LPAR1: variants seen among roughly 807,000 people sequenced by gnomAD.
LPAR1 encodes LPA receptor 1.
In LPAR1, 5 loss-of-function variants were observed where a neutral mutation model predicts 23.8. That is an observed-to-expected ratio of 0.21 (90% CI 0.11 to 0.44). The LOEUF (loss-of-function observed/expected upper bound fraction) is 0.44, where lower values mean the gene tolerates loss of function less well. Among genes scored for constraint, LPAR1 ranks in the 20% least tolerant of loss-of-function variants. LPAR1 has a pLI of 0.99. For synonymous variants in LPAR1, 160 were observed against 164.7 expected (o/e 0.97, Z 0.22); for missense variants, 311 against 482.8 (o/e 0.64, Z 3.33).
intron 5 of LPAR1, among the ~76,000 whole-genome samples, chr9:110,882,556 T>A (rs1443226418): frequency 6.6e-6 from 1 of 152,228 alleles, no homozygotes. Context: ...TACACACTTT[T>A]GAAGGTTCAG....
intron 2 of LPAR1, among the ~76,000 whole-genome samples, chr9:111,033,241 G>A (rs1446447711): frequency 1.3e-5 from 2 of 151,974 alleles, no homozygotes; most frequent in Non-Finnish European, 2.9e-5. Context: ...ATATTCTTTG[G>A]CCCAGCCCCA....
chr9:110,914,161 A>G (rs1432105522), intron 5 of LPAR1, among the ~76,000 whole-genome samples: 1 of 152,174 alleles, frequency 6.6e-6, no homozygotes, highest in African/African-American at 2.4e-5. Flanking sequence ...CCTTTGTCTT[A>G]TGTAGCTGTC....
At chr9:110,892,843 AGG>A (rs2084933966) in intron 5 of LPAR1, among the ~76,000 whole-genome samples, 13 of 113,062 alleles carry the variant, frequency 1.1e-4, no homozygotes, top group African/African-American at 3.0e-4. Flanking sequence ...GCAGGCAGGC[AGG>A]CAGGCAGGCA....
chr9:110,965,931 A>C (rs2096203547), intron 4 of LPAR1, among the ~76,000 whole-genome samples: 1 of 152,216 alleles, frequency 6.6e-6, no homozygotes, highest in South Asian at 2.1e-4. Context: ...TACACCATGG[A>C]ATACTATGCA....
intron 4 of LPAR1, among the ~76,000 whole-genome samples, chr9:110,950,022 A>G (rs34682647): frequency 0.18 from 26,625 of 152,130 alleles, 3,147 homozygotes; most frequent in East Asian, 0.6. Context: ...GACAATCTAT[A>G]ATTAGAAGAT....
rs527655331 is a variant in LPAR1 at position 110,942,828 on chromosome 9, T to A, written c.46-660A>T. Among the ~76,000 whole-genome samples the A allele has an allele frequency of 5.3e-5, 8 of 152,130 alleles. No individual in the cohort carries two copies. In the East Asian group the frequency reaches 1.4e-3, roughly 26 times the overall value. ...TCAACCAATCTATGACATTTGAGAA[T>A]TTTTTTTCTTTTTGGAGGACCCAAC... On this transcript the variant is annotated intron_variant, in intron 4 of 5. Coordinates refer to ENST00000683809, the MANE Select transcript of LPAR1 (RefSeq NM_001351411.2).
At chr9:110,912,471 A>G (rs2092578510) in intron 5 of LPAR1, among the ~76,000 whole-genome samples, 1 of 152,224 alleles carries the variant, frequency 6.6e-6, no homozygotes, top group African/African-American at 2.4e-5. Flanking sequence ...TTGGCTGACT[A>G]CAGAGTTTTC....
intron 5 of LPAR1, among the ~76,000 whole-genome samples, chr9:110,887,563 T>C (rs1227864404): frequency 1.3e-5 from 2 of 152,144 alleles, no homozygotes; most frequent in African/African-American, 4.8e-5. Context: ...TATCTCTCTT[T>C]ATCAAAAACT....
intron 5 of LPAR1, among the ~76,000 whole-genome samples, chr9:110,904,515 GTA>G (rs1193294539): frequency 1.3e-5 from 2 of 152,020 alleles, no homozygotes. Context: ...ATAAATAGAG[GTA>G]TAATCCCAAA....
At chr9:110,984,135 C>T (rs2096730859) in intron 2 of LPAR1, among the ~76,000 whole-genome samples, 1 of 151,886 alleles carries the variant, frequency 6.6e-6, no homozygotes, top group African/African-American at 2.4e-5. Context: ...TCCAACTATA[C>T]TCTTTTAACT....
At chr9:110,969,879 TG>T (rs1338395430) in intron 4 of LPAR1, among the ~76,000 whole-genome samples, 1 of 152,156 alleles carries the variant, frequency 6.6e-6, no homozygotes, top group Non-Finnish European at 1.5e-5. Context: ...ATACACTCCT[TG>T]GGCTCATGTG....
chr9:111,010,564 A>G (rs1265711726), intron 2 of LPAR1, among the ~76,000 whole-genome samples: 1 of 152,180 alleles, frequency 6.6e-6, no homozygotes, highest in Non-Finnish European at 1.5e-5. Context: ...ATAAGGGAAA[A>G]GGACCAGTGC....
chr9:110,950,017 T>G (rs747366766), intron 4 of LPAR1, among the ~76,000 whole-genome samples: 2 of 152,196 alleles, frequency 1.3e-5, no homozygotes, highest in Non-Finnish European at 2.9e-5. Flanking sequence ...ATTCTGACAA[T>G]CTATAATTAG....
chr9:110,900,694 C>T (rs921841856), intron 5 of LPAR1, among the ~76,000 whole-genome samples: 1 of 152,166 alleles, frequency 6.6e-6, no homozygotes, highest in South Asian at 2.1e-4. Flanking sequence ...AAATGCCCAA[C>T]AAATGAGGAA....
At chr9:110,876,996 T>C (rs1402332284) in intron 5 of LPAR1, among the ~76,000 whole-genome samples, 2 of 152,148 alleles carry the variant, frequency 1.3e-5, no homozygotes, top group African/African-American at 4.8e-5. Flanking sequence ...ATGGGCCCCA[T>C]ATGTGTAATC....
intron 5 of LPAR1, among the ~76,000 whole-genome samples, chr9:110,911,702 C>T (rs1241639114): frequency 6.6e-6 from 1 of 152,118 alleles, no homozygotes; most frequent in Non-Finnish European, 1.5e-5. Context: ...AAGGTATGCA[C>T]ATACTTTTTT....
chr9:110,983,668 A>T (rs573523636), intron 2 of LPAR1, among the ~76,000 whole-genome samples: 52 of 152,208 alleles, frequency 3.4e-4, no homozygotes, highest in African/African-American at 8.7e-4. Context: ...ACCATAATTT[A>T]AAAAAGTGTG....
chr9:110,881,635 C>T (rs987115550), intron 5 of LPAR1, among the ~76,000 whole-genome samples: 3 of 152,186 alleles, frequency 2.0e-5, no homozygotes, highest in Admixed American at 6.5e-5. Flanking sequence ...TTCTTACAGA[C>T]CATTCAGGTG....
intron 2 of LPAR1, among the ~76,000 whole-genome samples, chr9:111,003,809 C>G (rs1256620553): frequency 6.6e-6 from 1 of 152,038 alleles, no homozygotes; most frequent in Non-Finnish European, 1.5e-5. Context: ...AATTATTCCC[C>G]CAAACCTCCA....
Sources: allele counts gnomAD v4.1 joint callset (sites outside exome capture counted in the v4.1 genomes callset), GRCh38; gene constraint gnomAD v4.1.1; transcripts MANE v1.5; gene names NCBI Gene and HGNC (gene_info 2026-07-23, HGNC 2026-07-21).